TRIM10: variants seen among roughly 807,000 people sequenced by gnomAD.
The protein encoded by TRIM10 is tripartite motif containing 10.
A neutral mutation model predicts 40.0 loss-of-function variants in TRIM10; 42 were observed. The ratio of observed to expected loss-of-function variants is 1.05; its 90% CI spans 0.82 to 1.36. The LOEUF (loss-of-function observed/expected upper bound fraction) is 1.36. TRIM10 is among the 40% of genes most tolerant of loss of function. The probability of loss-of-function intolerance (pLI) is 0.00; values close to 1 mark genes in which losing one functional copy is unlikely to be tolerated. For missense variants in TRIM10, 601 were observed against 608.3 expected, an observed-to-expected ratio of 0.99 and a Z score of 0.13; for synonymous variants, 260 against 239.5, an observed-to-expected ratio of 1.09 and a Z score of -0.79.
At chr6:30,156,169 C>T (rs1373861336) in intron 5 of TRIM10, among the ~76,000 whole-genome samples, 1 of 152,098 alleles carries the variant, frequency 6.6e-6, no homozygotes, top group African/African-American at 2.4e-5. Context: ...ATTTATTATT[C>T]CACTTGGAAA....
intron 1 of TRIM10, among the ~76,000 whole-genome samples, chr6:30,159,546 G>A (rs9261535): frequency 0.17 from 26,256 of 152,062 alleles, 2,902 homozygotes; most frequent in Non-Finnish European, 0.23. Context: ...GTTTTGCTTC[G>A]GGTAAGTGGT....
intron 6 of TRIM10, among the ~76,000 whole-genome samples, 189 bp downstream of exon 6, chr6:30,155,538 T>C (rs1772452154): frequency 6.7e-6 from 1 of 150,166 alleles, no homozygotes; most frequent in African/African-American, 2.5e-5. Context: ...ACACAACCTA[T>C]ATATACACAC....
At chr6:30,157,733 C>T (rs1288043630) in intron 3 of TRIM10, among the ~76,000 whole-genome samples, 1 of 129,220 alleles carries the variant, frequency 7.7e-6, no homozygotes, top group African/African-American at 3.0e-5. Flanking sequence ...TTTCTTATGA[C>T]TGGAAAAGAC....
upstream of TRIM10, chr6:30,163,731 G>T (rs1474075497): frequency 6.2e-7 from 1 of 1,612,870 alleles, no homozygotes; most frequent in Non-Finnish European, 8.5e-7. Flanking sequence ...CTGCCTGCCT[G>T]TACCCTCTGT....
chr6:30,154,242 C>A lies in TRIM10; in HGVS notation c.1173G>T (p.Lys391Asn), dbSNP rs772942873. Residue 391 changes from lysine to asparagine, a missense_variant, in exon 7 of 7, where the codon AAG becomes AAT. Coordinates refer to ENST00000449742, the MANE Select transcript of TRIM10 (RefSeq NM_006778.4). Reference sequence around the variant, plus strand: ...CCTCTGGCCGCAGCCGAAGCTCCCCCTTCCGCTGCACATCCTCGCTCACCA... The same window carrying A: ...CCTCTGGCCGCAGCCGAAGCTCCCCATTCCGCTGCACATCCTCGCTCACCA... ...VGVVSEDVQR[K>N]GELRLRPEEG... 1.2e-6 allele frequency: 2 copies of A among 1,613,062 alleles called. No homozygotes were observed. The highest frequency in any genetic ancestry group is 1.1e-5 in the South Asian group (1 of 91,070).
upstream of TRIM10, chr6:30,163,746 G>T (rs373721924): frequency 5.0e-6 from 8 of 1,612,866 alleles, no homozygotes; most frequent in Non-Finnish European, 6.8e-6. Context: ...CTCTGTGCGG[G>T]GCCGCTGGAG....
At chr6:30,156,189 G>A (rs938005118) in intron 5 of TRIM10, among the ~76,000 whole-genome samples, 3 of 152,188 alleles carry the variant, frequency 2.0e-5, no homozygotes, top group African/African-American at 7.2e-5. Flanking sequence ...ATAATTTTGG[G>A]GAGAGTCAAA....
chr6:30,160,887 G>A lies in TRIM10; in HGVS notation c.-29C>T, dbSNP rs1435305974. On this transcript the variant is annotated 5_prime_UTR_variant, in exon 1 of 7. Coordinates refer to ENST00000449742, the MANE Select transcript of TRIM10 (RefSeq NM_006778.4). ...GGTCCTGCTGCTATGGCTTCCTCAAGGCCACTCTCTCTGCTTGGCCACGGG... is the reference window on the plus strand; with the variant it reads ...GGTCCTGCTGCTATGGCTTCCTCAAAGCCACTCTCTCTGCTTGGCCACGGG... The A allele has an allele frequency of 1.9e-6, 3 of 1,569,544 alleles. No homozygotes were observed. The highest frequency in any genetic ancestry group is 2.3e-5 in the South Asian group (2 of 85,774).
upstream of TRIM10, chr6:30,163,647 G>T: frequency 1.3e-6 from 2 of 1,566,500 alleles, no homozygotes; most frequent in Non-Finnish European, 8.7e-7. Flanking sequence ...CGCGTGGGCT[G>T]AGGAGACCGG....
chr6:30,158,529 C>T lies in TRIM10; in HGVS notation c.626G>A (p.Ser209Asn). The change falls in exon 3 of 7, where the codon AGC becomes AAC. Residue 209 changes from serine to asparagine, a missense_variant. Coordinates refer to ENST00000449742, the MANE Select transcript of TRIM10 (RefSeq NM_006778.4). ...QQSILLAQLESQDGDILRQRD... is the reference protein window; with the variant it reads ...QQSILLAQLENQDGDILRQRD... Reference sequence around the variant, plus strand: ...TTGCCTCAAGATGTCCCCATCCTGGCTCTCCAATTGTGCTAAGAGGATGCT... The same window carrying T: ...TTGCCTCAAGATGTCCCCATCCTGGTTCTCCAATTGTGCTAAGAGGATGCT... 1 of 1,613,094 alleles carries T rather than the reference C, an allele frequency of 6.2e-7. No homozygotes were observed. The highest frequency in any genetic ancestry group is 8.5e-7 in the Non-Finnish European group (1 of 1,180,038).
In TRIM10 at chr6:30,161,023, C is replaced by CACACA; in HGVS notation, c.-166_-165insTGTGT. ...CGTCACACACTTGCATCTCTGGCAGCCAGGGTTCTATTCTCCTGCCAACAG... is the reference window on the plus strand; with the variant it reads ...CGTCACACACTTGCATCTCTGGCAGCACACACAGGGTTCTATTCTCCTGCCAACAG... On this transcript the variant is annotated 5_prime_UTR_variant, in exon 1 of 7. Coordinates refer to ENST00000449742, the MANE Select transcript of TRIM10 (RefSeq NM_006778.4). 1.4e-6 allele frequency: 1 copy of CACACA among 697,748 alleles called. No individual in the cohort carries two copies. The highest frequency in any genetic ancestry group is 2.3e-6 in the Non-Finnish European group (1 of 427,622). 43.2% of individuals were successfully genotyped at this position (697,748 alleles called of 1,614,324 possible). A position where few individuals can be genotyped will look rare whatever the true frequency, so the allele number is the denominator to read the frequency against.
At chr6:30,158,273 T>C in intron 3 of TRIM10, 126 bp downstream of exon 3, 1 of 813,906 alleles carries the variant, frequency 1.2e-6, no homozygotes, top group Non-Finnish European at 2.0e-6. Context: ...GACTTTCTGG[T>C]CCTCTGACCC....
At chr6:30,160,249 A>G (rs148807301) in intron 1 of TRIM10, among the ~76,000 whole-genome samples, 181 bp downstream of exon 1, 1 of 152,312 alleles carries the variant, frequency 6.6e-6, no homozygotes, top group African/African-American at 2.4e-5. Flanking sequence ...GTGAACACAG[A>G]ACACACTCAA....
In TRIM10 at chr6:30,155,717, G is replaced by T. The variant is rs1338246640; in HGVS notation, c.928+10C>A. ...TCTCATTCTCTCCCATCCTGACATA[G>T]GCTCCTTACCTGGCTCATAGTCCAA... On this transcript the variant is annotated intron_variant, in intron 6 of 6. Transcript: ENST00000449742. 3.1e-6 allele frequency: 5 copies of T among 1,613,128 alleles called. No individual in the cohort carries two copies. The highest frequency in any genetic ancestry group is 4.2e-6 in the Non-Finnish European group (5 of 1,179,684).
rs746353169 is a variant in TRIM10 at position 30,156,925 on chromosome 6, T to C, written c.895+14A>G. The C allele has an allele frequency of 1.5e-5, 24 of 1,611,666 alleles. No homozygotes were observed. Among genetic ancestry groups the C allele is most frequent in the Non-Finnish European group, 2.0e-5 (24 of 1,178,970 alleles). On this transcript the variant is annotated intron_variant, in intron 5 of 6. Coordinates refer to ENST00000449742, the MANE Select transcript of TRIM10 (RefSeq NM_006778.4). ...TGGCCACCTGCGCTCTGTGGAGGCC[T>C]GGGGTTCTCTTACCCAGAAACATCT... is the stretch of plus-strand genomic sequence containing the variant.
chr6:30,157,242 A>T, intron 4 of TRIM10, 127 bp downstream of exon 4: 1 of 1,152,296 alleles, frequency 8.7e-7, no homozygotes, highest in Non-Finnish European at 1.3e-6. Flanking sequence ...TTGGGTATAT[A>T]GAGGTTTATA....
rs1316468768 is a variant in TRIM10, at chr6:30,155,648, T to A, written c.928+79A>T. ...GACTATTGTCATAGTCATAACATAGTCATAGTGCAAATCCTGCAAAATTTT... is the reference window on the plus strand; with the variant it reads ...GACTATTGTCATAGTCATAACATAGACATAGTGCAAATCCTGCAAAATTTT... On this transcript the variant is annotated intron_variant, in intron 6 of 6. Coordinates refer to ENST00000449742, the MANE Select transcript of TRIM10 (RefSeq NM_006778.4). 6.1e-6 allele frequency: 8 copies of A among 1,315,958 alleles called. No individual in the cohort carries two copies. In the South Asian group the frequency reaches 9.9e-5, roughly 16 times the overall value. The allele number at this position is 1,315,958 out of a possible 1,614,324, so 81.5% of individuals were successfully genotyped here. A position where few individuals can be genotyped will look rare whatever the true frequency, so the allele number is the denominator to read the frequency against.
At position 30,153,863 on chromosome 6, in the gene TRIM10, AT is replaced by A. The variant is rs1772248562; in HGVS notation, c.*105del. 3 of 1,599,906 alleles carry A rather than the reference AT, an allele frequency of 1.9e-6. No homozygotes were observed. The highest frequency in any genetic ancestry group is 2.7e-5 in the African/African-American group (2 of 74,750). On this transcript the variant is annotated 3_prime_UTR_variant, in exon 7 of 7. Coordinates refer to ENST00000449742, the MANE Select transcript of TRIM10 (RefSeq NM_006778.4). ...CCCCATCCCATCTTCTAAAGCAGTC[AT>A]TTCTATTCCAAGTCATCCAGGTGAT...
At chr6:30,164,001 G>A (rs768586481), upstream of TRIM10, 21 of 1,613,136 alleles carry the variant, frequency 1.3e-5, no homozygotes, top group Non-Finnish European at 1.8e-5. Flanking sequence ...GTGTTCTGCA[G>A]GGAGGGTCCC....
Sources: allele counts gnomAD v4.1 joint callset (sites outside exome capture counted in the v4.1 genomes callset), GRCh38; gene constraint gnomAD v4.1.1; transcripts MANE v1.5; gene names NCBI Gene and HGNC (gene_info 2026-07-23, HGNC 2026-07-21).